Variants in NPAS2 observed in about 807,000 individuals in gnomAD.
NPAS2 encodes neuronal PAS domain-containing protein 2.
NPAS2 carries 23 observed loss-of-function variants against 107.5 expected under a neutral mutation model. The observed-to-expected ratio is 0.21, with a 90% CI of 0.15 to 0.30. The LOEUF (loss-of-function observed/expected upper bound fraction) is 0.30, where lower values mean the gene tolerates loss of function less well. NPAS2 is among the 10% of genes least tolerant of loss of function. NPAS2 has a pLI of 1.00. For synonymous variants in NPAS2, 403 were observed against 417.5 expected, an observed-to-expected ratio of 0.97 and a Z score of 0.42; for missense variants, 756 against 1,043.3, an observed-to-expected ratio of 0.72 and a Z score of 3.79.
chr2:100,825,846 C>G (rs2104328661), intron 1 of NPAS2, among the ~76,000 whole-genome samples: 1 of 152,290 alleles, frequency 6.6e-6, no homozygotes, highest in Admixed American at 6.5e-5. Context: ...CCATCAGCCA[C>G]CAGAGGGGCT....
chr2:100,849,880 A>G (rs903946784), intron 1 of NPAS2, among the ~76,000 whole-genome samples: 3 of 152,076 alleles, frequency 2.0e-5, no homozygotes, highest in Non-Finnish European at 4.4e-5. Context: ...GGAGGGAGAA[A>G]TTATGCTGTA....
intron 15 of NPAS2, among the ~76,000 whole-genome samples, chr2:100,978,537 A>C (rs1326106905): frequency 6.6e-6 from 1 of 152,188 alleles, no homozygotes; most frequent in Admixed American, 6.5e-5. Context: ...AAAGAAAGAA[A>C]GAAAGAAAGA....
intron 1 of NPAS2, among the ~76,000 whole-genome samples, chr2:100,882,854 A>G (rs1359116238): frequency 6.6e-6 from 1 of 152,098 alleles, no homozygotes; most frequent in African/African-American, 2.4e-5. Context: ...GAAGACTTCA[A>G]AGTGTTTGGT....
At chr2:100,903,693 C>A (rs1193126564) in intron 1 of NPAS2, among the ~76,000 whole-genome samples, 1 of 152,186 alleles carries the variant, frequency 6.6e-6, no homozygotes, top group African/African-American at 2.4e-5. Context: ...TGGTCCCCAC[C>A]TTTACCTCGA....
intron 16 of NPAS2, chr2:100,986,028 G>T (rs1677756382): frequency 6.6e-6 from 1 of 152,194 alleles, no homozygotes. Context: ...TGAAGTATAG[G>T]TTGCCCTATG....
chr2:100,894,667 G>A (rs56269037), intron 1 of NPAS2, among the ~76,000 whole-genome samples: 31,009 of 151,894 alleles, frequency 0.2, 3,912 homozygotes, highest in Non-Finnish European at 0.28. Context: ...AAAAGAAAAG[G>A]GTTAATGGAC....
At chr2:100,945,965 G>A (rs1674867758) in intron 5 of NPAS2, among the ~76,000 whole-genome samples, 2 of 152,174 alleles carry the variant, frequency 1.3e-5, no homozygotes, top group African/African-American at 4.8e-5. Context: ...GGACATCAGG[G>A]ATGTGGTGGT....
intron 14 of NPAS2, among the ~76,000 whole-genome samples, chr2:100,977,334 C>T (rs1340968636): frequency 1.3e-5 from 2 of 152,226 alleles, no homozygotes; most frequent in African/African-American, 2.4e-5. Flanking sequence ...CCACGCACGT[C>T]GTCCTGCTTG....
At chr2:100,973,847 A>T (rs1198986772) in intron 12 of NPAS2, among the ~76,000 whole-genome samples, 1 of 151,854 alleles carries the variant, frequency 6.6e-6, no homozygotes, top group Non-Finnish European at 1.5e-5. Context: ...TGTTTGGTTT[A>T]TTATTATTTT....
rs201654971 is a variant in NPAS2, at chr2:100,902,080, AG to A, written c.-22-2652del. On this transcript the variant is annotated intron_variant, in intron 1 of 20. Transcript: ENST00000335681. The stretch of plus-strand genomic sequence containing the variant: ...ACTCTGTGATCAAAATAAAAAAAAA[AG>A]TAGATGCTCAAAATCCTTCTCACTG... Among the ~76,000 whole-genome samples, 991 of 150,882 alleles carry A rather than the reference AG, an allele frequency of 6.6e-3. 13 individuals are homozygous for A. The highest frequency in any genetic ancestry group is 0.021 in the African/African-American group (877 of 41,108).
At chr2:100,818,918 G>C (rs940147556), upstream of NPAS2, among the ~76,000 whole-genome samples, 10 of 152,158 alleles carry the variant, frequency 6.6e-5, no homozygotes, top group African/African-American at 2.4e-4. Context: ...AGGGGAAACC[G>C]GCCACGTTTC....
chr2:100,890,821 C>G (rs925745277), intron 1 of NPAS2, among the ~76,000 whole-genome samples: 11 of 152,146 alleles, frequency 7.2e-5, no homozygotes, highest in African/African-American at 2.7e-4. Flanking sequence ...CTGCGGGGCC[C>G]CTTGCAGCCC....
At chr2:100,909,801 A>G (rs894709690) in intron 2 of NPAS2, among the ~76,000 whole-genome samples, 1 of 151,944 alleles carries the variant, frequency 6.6e-6, no homozygotes, top group Non-Finnish European at 1.5e-5. Flanking sequence ...GTAATAGGAC[A>G]TGCGATTCGT....
At chr2:100,867,393 G>C (rs976425797) in intron 1 of NPAS2, among the ~76,000 whole-genome samples, 1 of 152,190 alleles carries the variant, frequency 6.6e-6, no homozygotes, top group African/African-American at 2.4e-5. Context: ...TCTCTTCCAA[G>C]TAAGTTGAAA....
intron 1 of NPAS2, among the ~76,000 whole-genome samples, chr2:100,898,797 A>C (rs948285191): frequency 1.3e-5 from 2 of 152,172 alleles, no homozygotes; most frequent in East Asian, 1.9e-4. Flanking sequence ...AAAAAAAAAA[A>C]AAACAAACCT....
At chr2:100,882,574 C>T (rs2104643715) in intron 1 of NPAS2, among the ~76,000 whole-genome samples, 1 of 152,346 alleles carries the variant, frequency 6.6e-6, no homozygotes, top group Middle Eastern at 3.4e-3. Flanking sequence ...GATCGCACCA[C>T]TGCGCTCCAG....
chr2:100,862,621 G>C (rs1679011987), intron 1 of NPAS2, among the ~76,000 whole-genome samples: 1 of 152,162 alleles, frequency 6.6e-6, no homozygotes, highest in South Asian at 2.1e-4. Context: ...ACTAGAAAAG[G>C]TTTTCAGGTT....
chr2:100,883,920 C>A (rs963631217), intron 1 of NPAS2, among the ~76,000 whole-genome samples: 1 of 152,158 alleles, frequency 6.6e-6, no homozygotes, highest in Non-Finnish European at 1.5e-5. Context: ...CCAGCCCACA[C>A]AGAGAAGTGT....
intron 1 of NPAS2, among the ~76,000 whole-genome samples, chr2:100,869,134 C>T (rs1679418095): frequency 6.6e-6 from 1 of 151,384 alleles, no homozygotes; most frequent in Non-Finnish European, 1.5e-5. Flanking sequence ...CAGGGTTTCA[C>T]CCTGTTGGCC....
Sources: allele counts gnomAD v4.1 joint callset (sites outside exome capture counted in the v4.1 genomes callset), GRCh38; gene constraint gnomAD v4.1.1; transcripts MANE v1.5; gene names NCBI Gene and HGNC (gene_info 2026-07-23, HGNC 2026-07-21).